Variants in XRCC4 observed in about 807,000 individuals in gnomAD.
XRCC4 encodes the protein DNA repair protein XRCC4.
A neutral mutation model predicts 39.1 loss-of-function variants in XRCC4; 28 were observed. The ratio of observed to expected loss-of-function variants is 0.72; its 90% CI spans 0.53 to 0.98. XRCC4 has a LOEUF of 0.98. XRCC4 is among the 50% of genes least tolerant of loss of function. The pLI is 0.00. For missense variants in XRCC4, 350 were observed against 376.4 expected, an observed-to-expected ratio of 0.93 and a Z score of 0.58; for synonymous variants, 123 against 126.4, an observed-to-expected ratio of 0.97 and a Z score of 0.18.
At chr5:83,241,609 T>C (rs1294858058) in intron 6 of XRCC4, among the ~76,000 whole-genome samples, 1 of 152,132 alleles carries the variant, frequency 6.6e-6, no homozygotes, top group African/African-American at 2.4e-5. Flanking sequence ...TTCAACCAAG[T>C]ACAGTTGATC....
rs111958347 is a variant in XRCC4 at position 83,262,466 on chromosome 5, G to A, written c.893+3789G>A. Reference sequence around the variant, plus strand: ...TCTGAGAACCACTTTTTTGGGGGGTGGGGAAGCTTTCCTTTTATTTTGACT... The same window carrying A: ...TCTGAGAACCACTTTTTTGGGGGGTAGGGAAGCTTTCCTTTTATTTTGACT... On this transcript the variant is annotated intron_variant, in intron 7 of 7. Transcript: ENST00000396027. Among the ~76,000 whole-genome samples, 696 of 152,048 alleles carry A rather than the reference G, an allele frequency of 4.6e-3. 2 individuals are homozygous for A. The highest frequency in any genetic ancestry group is 0.016 in the African/African-American group (663 of 41,498).
chr5:83,233,771 G>GCACA, intron 6 of XRCC4, among the ~76,000 whole-genome samples: 1 of 151,120 alleles, frequency 6.6e-6, no homozygotes, highest in East Asian at 1.9e-4. Context: ...GCATGGTGGT[G>GCACA]CACACCTGTA....
At chr5:83,291,438 C>G (rs1754917239) in intron 7 of XRCC4, among the ~76,000 whole-genome samples, 1 of 151,460 alleles carries the variant, frequency 6.6e-6, no homozygotes, top group Non-Finnish European at 1.5e-5. Context: ...TATATTTTTT[C>G]TTTATTTTGA....
chr5:83,131,323 C>T lies in XRCC4; in HGVS notation c.315+20120C>T, dbSNP rs541075108. On this transcript the variant is annotated intron_variant, in intron 3 of 7. Transcript: ENST00000396027. Reference sequence around the variant, plus strand: ...TGAGTTCTAGTTTGATTGTTTAGTGCGATGTGGTTCTGAGAAGAATGTATA... The same window carrying T: ...TGAGTTCTAGTTTGATTGTTTAGTGTGATGTGGTTCTGAGAAGAATGTATA... Among the ~76,000 whole-genome samples, 149 of 150,710 alleles carry T rather than the reference C, an allele frequency of 9.9e-4. No homozygotes were observed. The Middle Eastern group carries it at 0.014, about 14-fold the overall frequency.
intron 1 of XRCC4, among the ~76,000 whole-genome samples, chr5:83,101,890 C>T (rs1280661768): frequency 1.3e-5 from 2 of 148,806 alleles, no homozygotes; most frequent in Admixed American, 1.3e-4. Flanking sequence ...CATCAGACAA[C>T]ATCAACAAAA....
intron 7 of XRCC4, among the ~76,000 whole-genome samples, chr5:83,275,343 G>C (rs1173015181): frequency 5.4e-5 from 8 of 148,876 alleles, no homozygotes. Flanking sequence ...CGCCCAGGCT[G>C]GAGTGCAGTG....
At chr5:83,342,457 T>C (rs1188543479) in intron 7 of XRCC4, among the ~76,000 whole-genome samples, 1 of 152,212 alleles carries the variant, frequency 6.6e-6, no homozygotes, top group African/African-American at 2.4e-5. Flanking sequence ...TCACTCTTTA[T>C]TATTCTGCTG....
At chr5:83,179,538 T>A (rs1290967751) in intron 3 of XRCC4, among the ~76,000 whole-genome samples, 1 of 152,200 alleles carries the variant, frequency 6.6e-6, no homozygotes, top group Non-Finnish European at 1.5e-5. Flanking sequence ...CAGCATCTGC[T>A]TTAACTTCTT....
intron 6 of XRCC4, among the ~76,000 whole-genome samples, chr5:83,212,063 T>C (rs1200145939): frequency 6.6e-6 from 1 of 152,096 alleles, no homozygotes; most frequent in Admixed American, 6.5e-5. Flanking sequence ...TATCTATATC[T>C]GTATCTATAT....
intron 7 of XRCC4, chr5:83,258,921 A>C (rs2112897369): frequency 2.4e-6 from 1 of 421,264 alleles, no homozygotes. Flanking sequence ...TTATAGATTA[A>C]TTAGAAATGG....
chr5:83,330,076 C>G (rs371800522), intron 7 of XRCC4, among the ~76,000 whole-genome samples: 6 of 152,034 alleles, frequency 3.9e-5, no homozygotes, highest in Admixed American at 1.3e-4. Flanking sequence ...TCAAATAATA[C>G]TCTTCCCATA....
chr5:83,240,419 G>A (rs994945081), intron 6 of XRCC4, among the ~76,000 whole-genome samples: 3 of 152,162 alleles, frequency 2.0e-5, no homozygotes, highest in Non-Finnish European at 2.9e-5. Flanking sequence ...AACTAAAACA[G>A]TATCCTCAGA....
chr5:83,229,341 A>G (rs1752405979), intron 6 of XRCC4, among the ~76,000 whole-genome samples: 1 of 152,024 alleles, frequency 6.6e-6, no homozygotes, highest in South Asian at 2.1e-4. Context: ...ACATGATGCC[A>G]GTCAGCCTGA....
chr5:83,254,132 G>T (rs1580429040), intron 6 of XRCC4, among the ~76,000 whole-genome samples: 1 of 140,998 alleles, frequency 7.1e-6, no homozygotes, highest in Non-Finnish European at 1.5e-5. Flanking sequence ...TCCTGGAAAT[G>T]GTAAAAGACA....
chr5:83,189,935 G>T (rs958701931), intron 3 of XRCC4, among the ~76,000 whole-genome samples: 1 of 152,048 alleles, frequency 6.6e-6, no homozygotes, highest in African/African-American at 2.4e-5. Context: ...ATGGTGGCAG[G>T]CACCTGTAAT....
At chr5:83,355,257 C>T (rs56041592), downstream of XRCC4, among the ~76,000 whole-genome samples, 5,494 of 152,114 alleles carry the variant, frequency 0.036, 303 homozygotes, top group African/African-American at 0.12. Flanking sequence ...TAGGGTTGTC[C>T]ACCCTCCCAG....
At chr5:83,255,935 C>T (rs1370917234) in intron 6 of XRCC4, among the ~76,000 whole-genome samples, 2 of 152,116 alleles carry the variant, frequency 1.3e-5, no homozygotes, top group African/African-American at 4.8e-5. Flanking sequence ...GATTTTTACA[C>T]CTTGTCCATA....
intron 3 of XRCC4, among the ~76,000 whole-genome samples, chr5:83,189,871 C>T (rs1750616554): frequency 6.6e-6 from 1 of 152,134 alleles, no homozygotes; most frequent in East Asian, 1.9e-4. Context: ...TCGAGACCAG[C>T]CTGGCCAAAG....
the XRCC4 span, among the ~76,000 whole-genome samples, chr5:83,373,306 T>C: frequency 6.6e-6 from 1 of 152,146 alleles, no homozygotes; most frequent in Non-Finnish European, 1.5e-5. Context: ...GAATTGCTTT[T>C]TAGTCAGCTG....
Sources: allele counts gnomAD v4.1 joint callset (sites outside exome capture counted in the v4.1 genomes callset), GRCh38; gene constraint gnomAD v4.1.1; transcripts MANE v1.5; gene names NCBI Gene and HGNC (gene_info 2026-07-23, HGNC 2026-07-21).